Variants in KCNH7 observed in about 807,000 individuals in gnomAD.
KCNH7 encodes potassium voltage-gated channel subfamily H member 7, also known as voltage-gated inwardly rectifying potassium channel KCNH7.
KCNH7 carries 49 observed loss-of-function variants against 120.8 expected under a neutral mutation model. The observed-to-expected ratio is 0.41, with a 90% CI of 0.32 to 0.51. KCNH7 has a LOEUF of 0.51. Among genes scored for constraint, KCNH7 ranks in the 20% least tolerant of loss-of-function variants. The pLI, the probability that KCNH7 is intolerant of heterozygous loss-of-function variation, is 0.38. For missense variants in KCNH7, 1,097 were observed against 1,446.6 expected (o/e 0.76, Z 3.92); for synonymous variants, 547 against 516.1 (o/e 1.06, Z -0.81).
rs539814107 is a variant in KCNH7 at position 162,489,947 on chromosome 2, C to T, written c.1128+14496G>A. On this transcript the variant is annotated intron_variant, in intron 6 of 15. Coordinates refer to ENST00000332142, the MANE Select transcript of KCNH7 (RefSeq NM_033272.4). ...AATTTAATCTGGAATTTTGTGATTA[C>T]CATTATTTGGCAATTCAAGATGAAT... is the stretch of plus-strand genomic sequence containing the variant. Among the ~76,000 whole-genome samples, 43 of 152,252 alleles carry T rather than the reference C, an allele frequency of 2.8e-4. No homozygotes were observed. In the South Asian group the frequency reaches 8.3e-3, roughly 29 times the overall value.
intron 2 of KCNH7, among the ~76,000 whole-genome samples, chr2:162,801,385 T>C (rs1684343489): frequency 6.6e-6 from 1 of 151,782 alleles, no homozygotes; most frequent in South Asian, 2.1e-4. Flanking sequence ...CAAGCAAAAG[T>C]TGGAATAAAA....
chr2:162,790,552 TC>T, intron 2 of KCNH7, among the ~76,000 whole-genome samples: 1 of 151,824 alleles, frequency 6.6e-6, no homozygotes, highest in East Asian at 1.9e-4. Flanking sequence ...TAAGCCAATA[TC>T]CCCAATAAAC....
At chr2:162,564,325 C>T (rs1192336978) in intron 2 of KCNH7, among the ~76,000 whole-genome samples, 2 of 152,018 alleles carry the variant, frequency 1.3e-5, no homozygotes, top group Non-Finnish European at 2.9e-5. Context: ...GGTTAAGAAA[C>T]CAGGCAGAGA....
chr2:162,425,940 G>A (rs1298459477), intron 8 of KCNH7, among the ~76,000 whole-genome samples: 7 of 152,152 alleles, frequency 4.6e-5, no homozygotes, highest in South Asian at 2.1e-4. Context: ...ATGGTCAGGC[G>A]CGGTGGCTCA....
At chr2:162,759,413 A>G (rs1200409639) in intron 2 of KCNH7, among the ~76,000 whole-genome samples, 1 of 152,124 alleles carries the variant, frequency 6.6e-6, no homozygotes, top group Non-Finnish European at 1.5e-5. Flanking sequence ...CAGAAAGGTC[A>G]TCTTTCAAGT....
chr2:162,504,514 AAGG>A lies in KCNH7; in HGVS notation c.1054_1056del (p.Pro352del). 6.2e-7 allele frequency: 1 copy of A among 1,613,146 alleles called. No individual in the cohort carries two copies. Among genetic ancestry groups the A allele is most frequent in the Non-Finnish European group, 8.5e-7 (1 of 1,179,406 alleles). On this transcript the variant is annotated inframe_deletion, in exon 6 of 16. Transcript: ENST00000332142. Reference sequence around the variant, plus strand: ...GGTGCAATAATGGTTTTATCTGAAGAAGGAGGTGATGAATTCTTTTTCTCAGTT... The same window carrying A: ...GGTGCAATAATGGTTTTATCTGAAGAAGGTGATGAATTCTTTTTCTCAGTT...
At chr2:162,456,614 C>T (rs1157530815) in intron 6 of KCNH7, among the ~76,000 whole-genome samples, 3 of 152,060 alleles carry the variant, frequency 2.0e-5, no homozygotes, top group Non-Finnish European at 4.4e-5. Context: ...GTTAAAGTCT[C>T]CCACTATTAT....
chr2:162,493,351 TA>T (rs1252368435), intron 6 of KCNH7, among the ~76,000 whole-genome samples: 1 of 152,206 alleles, frequency 6.6e-6, no homozygotes, highest in Non-Finnish European at 1.5e-5. Flanking sequence ...TTAGATCAAA[TA>T]TTTTTTGAAG....
At chr2:162,567,942 A>G (rs969058567) in intron 2 of KCNH7, among the ~76,000 whole-genome samples, 6 of 152,018 alleles carry the variant, frequency 3.9e-5, no homozygotes, top group African/African-American at 1.4e-4. Flanking sequence ...AATTACATAC[A>G]GTATGCAGAA....
chr2:162,422,700 C>A (rs944586753), intron 9 of KCNH7, among the ~76,000 whole-genome samples: 9 of 151,914 alleles, frequency 5.9e-5, no homozygotes, highest in African/African-American at 1.9e-4. Flanking sequence ...ATTGCTGATG[C>A]TGAATTTGCT....
chr2:162,409,974 A>C (rs2105463214), intron 9 of KCNH7, among the ~76,000 whole-genome samples: 1 of 152,222 alleles, frequency 6.6e-6, no homozygotes, highest in South Asian at 2.1e-4. Flanking sequence ...ATGGATAGGA[A>C]GTATAAATAT....
intron 2 of KCNH7, among the ~76,000 whole-genome samples, chr2:162,748,927 T>TTTCCTTTCCTTCCTTCCTTCC (rs1553520252): frequency 3.6e-5 from 1 of 27,842 alleles, no homozygotes; most frequent in African/African-American, 2.3e-4. Flanking sequence ...TTCCCTTTCC[T>TTTCCTTTCCTTCCTTCCTTCC]TTCCTTCCTT....
chr2:162,569,953 T>C (rs1242119255), intron 2 of KCNH7, among the ~76,000 whole-genome samples: 2 of 131,680 alleles, frequency 1.5e-5, no homozygotes, highest in Non-Finnish European at 3.2e-5. Context: ...CTTCCAAGTA[T>C]GTGGTCAATT....
intron 2 of KCNH7, among the ~76,000 whole-genome samples, chr2:162,705,826 A>T (rs1183280493): frequency 6.6e-6 from 1 of 152,146 alleles, no homozygotes; most frequent in Non-Finnish European, 1.5e-5. Context: ...GAGTTTTGGG[A>T]ACCAATTTGG....
At chr2:162,729,162 ATT>A (rs1412794660) in intron 2 of KCNH7, among the ~76,000 whole-genome samples, 13 of 119,866 alleles carry the variant, frequency 1.1e-4, no homozygotes, top group Admixed American at 1.7e-4. Flanking sequence ...ATATACCCAA[ATT>A]TTTTTTTTTT....
intron 2 of KCNH7, among the ~76,000 whole-genome samples, chr2:162,726,002 A>C: frequency 6.6e-6 from 1 of 152,214 alleles, no homozygotes; most frequent in East Asian, 1.9e-4. Context: ...GCTTTTAAAT[A>C]TTAGCCAATC....
intron 2 of KCNH7, among the ~76,000 whole-genome samples, chr2:162,776,302 G>T (rs939003269): frequency 2.6e-5 from 4 of 152,088 alleles, no homozygotes; most frequent in African/African-American, 9.7e-5. Context: ...TCTTCAAGTC[G>T]AGGGAGGCCA....
chr2:162,787,301 T>C (rs1017914805), intron 2 of KCNH7, among the ~76,000 whole-genome samples: 4 of 152,116 alleles, frequency 2.6e-5, no homozygotes, highest in Admixed American at 1.3e-4. Context: ...CTCACCTTAG[T>C]GTCAAGCTGG....
At chr2:162,413,037 A>G (rs941367818) in intron 9 of KCNH7, among the ~76,000 whole-genome samples, 1 of 152,194 alleles carries the variant, frequency 6.6e-6, no homozygotes, top group African/African-American at 2.4e-5. Flanking sequence ...AGGTTCTTAA[A>G]TAGCCAGGAG....
Sources: allele counts gnomAD v4.1 joint callset (sites outside exome capture counted in the v4.1 genomes callset), GRCh38; gene constraint gnomAD v4.1.1; transcripts MANE v1.5; gene names NCBI Gene and HGNC (gene_info 2026-07-23, HGNC 2026-07-21).